EYS: variants seen among roughly 807,000 people sequenced by gnomAD.
EYS encodes the protein EGF-like photoreceptor maintenance factor, also known as protein eyes shut homolog.
A neutral mutation model predicts 282.1 loss-of-function variants in EYS; 250 were observed. The observed-to-expected ratio is 0.89, with a 90% CI of 0.80 to 0.98. The LOEUF is 0.98. EYS is among the 50% of genes least tolerant of loss of function. The pLI is 0.00. For missense variants in EYS, 4,016 were observed against 3,709.0 expected (o/e 1.08, Z -2.15); for synonymous variants, 1,355 against 1,282.9 (o/e 1.06, Z -1.20).
chr6:64,997,651 A>G lies in EYS; in HGVS notation c.2190T>C (p.Cys730=), dbSNP rs191946856. 6.4e-7 allele frequency: 1 copy of G among 1,551,266 alleles called. No individual in the cohort carries two copies. The highest frequency in any genetic ancestry group is 8.7e-7 in the Non-Finnish European group (1 of 1,146,606). Residue 730 remains cysteine (C), a synonymous_variant, in exon 14 of 43, where the codon TGT becomes TGC. Coordinates refer to ENST00000503581, the MANE Select transcript of EYS (RefSeq NM_001142800.2). ...LCNPGYVGIR[C]EQDIDDCILN... ...GGATGCAGTCATCAATGTCCTGTTC[A>G]CATCTTATCCCAACATAGCCTGGAT...
intron 26 of EYS, among the ~76,000 whole-genome samples, chr6:64,476,924 T>C (rs1776289225): frequency 6.6e-6 from 1 of 152,146 alleles, no homozygotes; most frequent in Admixed American, 6.6e-5. Flanking sequence ...AATGCACATG[T>C]TACATCTACC....
chr6:64,476,745 A>G (rs1295541610), intron 26 of EYS, among the ~76,000 whole-genome samples: 1 of 152,162 alleles, frequency 6.6e-6, no homozygotes, highest in East Asian at 1.9e-4. Flanking sequence ...TCATAAGGGA[A>G]CACACAAGCA....
intron 19 of EYS, among the ~76,000 whole-genome samples, chr6:64,827,636 G>T (rs559189105): frequency 6.6e-6 from 1 of 151,716 alleles, no homozygotes; most frequent in Non-Finnish European, 1.5e-5. Context: ...AAGAATCAGT[G>T]ATTTTAAAAA....
chr6:64,343,542 G>T (rs1771226159), intron 29 of EYS, among the ~76,000 whole-genome samples: 1 of 151,686 alleles, frequency 6.6e-6, no homozygotes, highest in Admixed American at 6.6e-5. Context: ...AGAATCTCTG[G>T]GACACATTCA....
At chr6:63,829,793 C>T (rs2149690367) in intron 36 of EYS, among the ~76,000 whole-genome samples, 1 of 152,322 alleles carries the variant, frequency 6.6e-6, no homozygotes. Flanking sequence ...CCTGAGTAGC[C>T]TAACTGGGAG....
rs1211677030 is a variant in EYS, at chr6:64,912,551, G to A, written c.2574C>T (p.Asn858=). 6.4e-7 allele frequency: 1 copy of A among 1,551,200 alleles called. No individual in the cohort carries two copies. Among genetic ancestry groups the A allele is most frequent in the Non-Finnish European group, 8.7e-7 (1 of 1,146,602 alleles). Residue 858 remains asparagine, a synonymous_variant, in exon 16 of 43, where the codon AAC becomes AAT. Coordinates refer to ENST00000503581, the MANE Select transcript of EYS (RefSeq NM_001142800.2). ...AGCATGTTGAGTTGTTTCTGCAAGG[G>A]TTATGAAGTAGGTCACAAAGGTTAT... ...QRYNLCDLLH[N]PCRNNSTCLA... is the part of the protein sequence containing the mutation.
intron 31 of EYS, among the ~76,000 whole-genome samples, chr6:64,209,136 T>C (rs749865134): frequency 5.9e-5 from 9 of 152,158 alleles, no homozygotes; most frequent in Non-Finnish European, 1.0e-4. Context: ...ACAACTGCCA[T>C]ATCAATTTTC....
intron 28 of EYS, among the ~76,000 whole-genome samples, chr6:64,416,833 A>G (rs780457442): frequency 1.3e-5 from 2 of 152,212 alleles, no homozygotes; most frequent in Non-Finnish European, 2.9e-5. Flanking sequence ...CATAACAAAA[A>G]ATTATCAATG....
chr6:64,316,108 A>T (rs1038601037), intron 29 of EYS, among the ~76,000 whole-genome samples: 1 of 152,208 alleles, frequency 6.6e-6, no homozygotes, highest in Non-Finnish European at 1.5e-5. Context: ...TACAGCCAAT[A>T]TCATACTGAA....
intron 31 of EYS, among the ~76,000 whole-genome samples, chr6:64,100,448 T>G (rs1752707733): frequency 6.6e-6 from 1 of 152,178 alleles, no homozygotes; most frequent in Non-Finnish European, 1.5e-5. Flanking sequence ...TATTTTTGAG[T>G]TTAATGAATC....
chr6:63,795,821 CTG>C (rs900451573), intron 37 of EYS, among the ~76,000 whole-genome samples: 2 of 152,050 alleles, frequency 1.3e-5, no homozygotes, highest in African/African-American at 4.8e-5. Flanking sequence ...CCAGGAGAAA[CTG>C]TGCAAGTCAG....
intron 5 of EYS, among the ~76,000 whole-genome samples, chr6:65,413,841 G>C (rs1280511490): frequency 6.6e-6 from 1 of 151,850 alleles, no homozygotes; most frequent in Non-Finnish European, 1.5e-5. Context: ...GGGCGACAGA[G>C]GGAGACTTTG....
intron 1 of EYS, among the ~76,000 whole-genome samples, chr6:65,659,247 T>C (rs918589394): frequency 6.6e-6 from 1 of 151,710 alleles, no homozygotes. Context: ...ATATTCAGTA[T>C]TTTTTTCCAG....
intron 2 of EYS, among the ~76,000 whole-genome samples, chr6:65,561,280 A>G (rs1245696592): frequency 6.6e-6 from 1 of 152,148 alleles, no homozygotes; most frequent in African/African-American, 2.4e-5. Context: ...ATTACACTCT[A>G]TAACACAAAA....
At chr6:64,604,226 A>G (rs1447744083) in intron 24 of EYS, among the ~76,000 whole-genome samples, 1 of 151,974 alleles carries the variant, frequency 6.6e-6, no homozygotes, top group Non-Finnish European at 1.5e-5. Flanking sequence ...TCCTGTCATG[A>G]AAGTTTAAAA....
At chr6:63,874,541 T>C (rs1399738367) in intron 35 of EYS, among the ~76,000 whole-genome samples, 5 of 152,154 alleles carry the variant, frequency 3.3e-5, no homozygotes, top group Non-Finnish European at 7.4e-5. Context: ...AGAAAGTCAT[T>C]GGTAGTTTGA....
intron 2 of EYS, among the ~76,000 whole-genome samples, chr6:65,568,606 T>G (rs750304164): frequency 2.6e-5 from 4 of 152,184 alleles, no homozygotes; most frequent in Non-Finnish European, 5.9e-5. Flanking sequence ...GCAAAAGAGT[T>G]GAGCATGACT....
chr6:65,637,909 G>T (rs1010978539), intron 2 of EYS, among the ~76,000 whole-genome samples: 1 of 152,176 alleles, frequency 6.6e-6, no homozygotes. Context: ...GTTGATGGTG[G>T]CAAGAAGCAG....
intron 31 of EYS, among the ~76,000 whole-genome samples, chr6:64,173,423 G>A (rs1479548609): frequency 6.6e-6 from 1 of 152,146 alleles, no homozygotes; most frequent in Admixed American, 6.6e-5. Flanking sequence ...CCAGAAGCTG[G>A]TAGGAATCAG....
Sources: gnomAD v4.1 joint callset for allele counts (sites outside exome capture counted in the v4.1 genomes callset) on GRCh38, gnomAD v4.1.1 for gene constraint, MANE v1.5 for transcripts, NCBI Gene and HGNC (gene_info 2026-07-23, HGNC 2026-07-21) for gene names.